Variants in PDS5A observed in about 807,000 individuals in gnomAD.
PDS5A encodes sister chromatid cohesion protein PDS5 homolog A.
Under a neutral mutation model 167.1 loss-of-function variants are expected in PDS5A, and 42 were observed. That is an observed-to-expected ratio of 0.25 (90% CI 0.20 to 0.33). The LOEUF (loss-of-function observed/expected upper bound fraction) is 0.33. Among genes scored for constraint, PDS5A ranks in the 10% least tolerant of loss-of-function variants. The pLI, the probability that PDS5A is intolerant of heterozygous loss-of-function variation, is 1.00. For missense variants in PDS5A, 1,033 were observed against 1,605.9 expected, an observed-to-expected ratio of 0.64 and a Z score of 6.10; for synonymous variants, 553 against 554.6, an observed-to-expected ratio of 1.00 and a Z score of 0.04.
chr4:39,935,661 G>C (rs1726526199), intron 2 of PDS5A, among the ~76,000 whole-genome samples: 1 of 152,056 alleles, frequency 6.6e-6, no homozygotes, highest in Non-Finnish European at 1.5e-5. Context: ...ACATAGCTTT[G>C]ATTACTGTAG....
chr4:39,863,200 G>T, intron 24 of PDS5A, 127 bp from the exon 25 acceptor site: 1 of 930,638 alleles, frequency 1.1e-6, no homozygotes, highest in Non-Finnish European at 1.6e-6. Context: ...TGTAATAATT[G>T]GAAGACAGTT....
chr4:39,891,747 C>T (rs115148156), intron 16 of PDS5A, among the ~76,000 whole-genome samples: 1 of 152,234 alleles, frequency 6.6e-6, no homozygotes, highest in African/African-American at 2.4e-5. Context: ...GAACTCTGTA[C>T]ACCCTTAGAA....
chr4:39,935,367 G>A (rs1398785680), intron 2 of PDS5A, among the ~76,000 whole-genome samples: 1 of 152,152 alleles, frequency 6.6e-6, no homozygotes, highest in African/African-American at 2.4e-5. Context: ...CAAAGCGCTG[G>A]GATTATAGGC....
intron 16 of PDS5A, chr4:39,897,851 G>GC (rs1163831975): frequency 5.9e-6 from 1 of 168,984 alleles, no homozygotes; most frequent in Non-Finnish European, 1.1e-5. Flanking sequence ...GGTGACAAAA[G>GC]CAAGACTATC....
Position 39,968,119 on chromosome 4 carries a change from AT to A in PDS5A, c.138+8320del, listed in dbSNP as rs1324389965. ...GCACAGCTATTTATAAGTGTATTTT[AT>A]TTTTTTAATTTTTATTGTAAATGAG... On this transcript the variant is annotated intron_variant, in intron 2 of 32. Coordinates refer to ENST00000303538, the MANE Select transcript of PDS5A (RefSeq NM_001100399.2). 2.6e-5 allele frequency among the ~76,000 whole-genome samples: 4 copies of A among 152,152 alleles called. No homozygotes were observed. In the South Asian group the frequency reaches 8.3e-4, roughly 32 times the overall value.
intron 10 of PDS5A, 65 bp from the exon 11 acceptor site, chr4:39,908,605 G>A (rs1723600875): frequency 2.0e-6 from 2 of 979,826 alleles, no homozygotes; most frequent in South Asian, 1.4e-5. Context: ...ATTTAGAATG[G>A]CAAGAACAGA....
intron 16 of PDS5A, among the ~76,000 whole-genome samples, chr4:39,896,631 T>C (rs910521562): frequency 6.6e-6 from 1 of 151,912 alleles, no homozygotes; most frequent in East Asian, 1.9e-4. Context: ...CTGGGCATGG[T>C]GGCATGTGCC....
At chr4:39,913,765 T>C (rs1462345972) in intron 8 of PDS5A, 39 bp from the exon 9 acceptor site, 4 of 1,006,136 alleles carry the variant, frequency 4.0e-6, no homozygotes, top group Non-Finnish European at 6.4e-6. Context: ...TAAGCTTTAT[T>C]CACCAGATTA....
chr4:39,837,388 G>C (rs73812010), intron 32 of PDS5A: 5,631 of 154,738 alleles, frequency 0.036, 319 homozygotes, highest in African/African-American at 0.13. Context: ...TTGGTAAGTT[G>C]TTTTTCTGGG....
At chr4:39,885,261 AAAAAG>A (rs1408429453) in intron 17 of PDS5A, among the ~76,000 whole-genome samples, 13 of 151,004 alleles carry the variant, frequency 8.6e-5, no homozygotes, top group Non-Finnish European at 2.9e-5. Flanking sequence ...AAAAAAAAAA[AAAAAG>A]AAAGGAAAAG....
chr4:39,967,180 C>G (rs1730053714), intron 2 of PDS5A, among the ~76,000 whole-genome samples: 1 of 151,792 alleles, frequency 6.6e-6, no homozygotes, highest in Non-Finnish European at 1.5e-5. Flanking sequence ...TGGCACGCAC[C>G]TGTAATCCCA....
rs756443732 is a variant in PDS5A, at chr4:39,844,847, C to A, written c.3403-46G>T. The A allele has an allele frequency of 3.1e-5, 48 of 1,551,450 alleles. No individual in the cohort carries two copies. In the East Asian group the frequency reaches 5.2e-4, roughly 17 times the overall value. On this transcript the variant is annotated intron_variant, in intron 29 of 32. Coordinates refer to ENST00000303538, the MANE Select transcript of PDS5A (RefSeq NM_001100399.2). ...CCCCCCAAAAACACACACGTTTATACCTTACCATGTATACATGTAAATTTA... is the reference window on the plus strand; with the variant it reads ...CCCCCCAAAAACACACACGTTTATAACTTACCATGTATACATGTAAATTTA...
chr4:39,945,774 C>T (rs1425442283), intron 2 of PDS5A, among the ~76,000 whole-genome samples: 1 of 152,184 alleles, frequency 6.6e-6, no homozygotes, highest in Non-Finnish European at 1.5e-5. Flanking sequence ...AGTACTCTGG[C>T]TTTCCTTTTC....
At chr4:39,972,025 G>T (rs1730593031) in intron 2 of PDS5A, among the ~76,000 whole-genome samples, 2 of 152,168 alleles carry the variant, frequency 1.3e-5, no homozygotes, top group African/African-American at 4.8e-5. Context: ...CATTTTGGCA[G>T]TAGGACATTG....
Position 39,917,160 on chromosome 4 carries a change from C to T in PDS5A, c.764G>A (p.Arg255Lys). ...NFFNQVLVLG[R>K]SSVSDLSEHV... ...TTCTGACAAATCACTTACTGATGAT[C>T]TTCCCAGCACCAGGACTTGATTGAA... is the stretch of plus-strand genomic sequence containing the variant. Residue 255 changes from arginine to lysine, a missense_variant, in exon 8 of 33, where the codon AGA becomes AAA. By Grantham distance (26) the Arg-to-Lys change is conservative. Transcript: ENST00000303538. The T allele has an allele frequency of 6.4e-7, 1 of 1,559,898 alleles. No individual in the cohort carries two copies. Among genetic ancestry groups the T allele is most frequent in the Non-Finnish European group, 8.6e-7 (1 of 1,159,638 alleles).
chr4:39,844,796 C>G lies in PDS5A; in HGVS notation c.3408G>C (p.Lys1136Asn), dbSNP rs1451928563. The change falls in exon 30 of 33, where the codon AAG becomes AAC. Residue 1136 changes from lysine to asparagine, a missense_variant. Physicochemically the swap from Lys to Asn is moderately conservative, Grantham distance 94. Around this residue, in one of 4 missense-constraint regions of PDS5A, gnomAD observed 233 missense variants for 264.0 expected, o/e 0.88. Transcript: ENST00000303538. ...TTACTGCACCTAGTACTCCAGCAGG[C>G]TTTGGCTAAAAACAAAAACAAAAAA... is the stretch of plus-strand genomic sequence containing the variant. ...TRVLLLTGKPKPAGVLGAVNK... is the reference protein window; with the variant it reads ...TRVLLLTGKPNPAGVLGAVNK... The G allele has an allele frequency of 6.3e-7, 1 of 1,594,268 alleles. No individual in the cohort carries two copies.
At position 39,940,119 on chromosome 4, in the gene PDS5A, G is replaced by C. The variant is rs541019419; in HGVS notation, c.139-11955C>G. Among the ~76,000 whole-genome samples the C allele has an allele frequency of 5.3e-4, 80 of 151,732 alleles. No homozygotes were observed. In the Middle Eastern group the frequency reaches 0.021, roughly 39 times the overall value. ...CTAAAAATACAAAATTTAGCCGGGCGTGGTGGCAGGTGCCTGTAATCTCAG... is the reference window on the plus strand; with the variant it reads ...CTAAAAATACAAAATTTAGCCGGGCCTGGTGGCAGGTGCCTGTAATCTCAG... On this transcript the variant is annotated intron_variant, in intron 2 of 32. Coordinates refer to ENST00000303538, the MANE Select transcript of PDS5A (RefSeq NM_001100399.2).
intron 16 of PDS5A, among the ~76,000 whole-genome samples, chr4:39,896,525 G>C (rs1722428482): frequency 6.6e-6 from 1 of 151,710 alleles, no homozygotes; most frequent in South Asian, 2.1e-4. Context: ...CCAATATTTT[G>C]TGGGGCTGAG....
chr4:39,858,768 C>T (rs888542502), intron 26 of PDS5A, among the ~76,000 whole-genome samples: 4 of 152,030 alleles, frequency 2.6e-5, no homozygotes, highest in African/African-American at 4.8e-5. Context: ...GGATTACAGG[C>T]GCCCTCCACA....
Sources: allele counts gnomAD v4.1 joint callset (sites outside exome capture counted in the v4.1 genomes callset), GRCh38; gene constraint gnomAD v4.1.1; regional missense constraint gnomAD v4.1.1; transcripts MANE v1.5; gene names NCBI Gene and HGNC (gene_info 2026-07-23, HGNC 2026-07-21).